The following LRP1B variants were observed in gnomAD, a reference collection of about 807,000 sequenced individuals.
The protein encoded by LRP1B is low-density lipoprotein receptor-related protein 1B.
Under a neutral mutation model 556.6 loss-of-function variants are expected in LRP1B, and 217 were observed. The observed-to-expected ratio is 0.39, with a 90% CI of 0.35 to 0.44. The LOEUF (loss-of-function observed/expected upper bound fraction) is 0.44, where lower values mean the gene tolerates loss of function less well. LRP1B is among the 20% of genes least tolerant of loss of function. The probability of loss-of-function intolerance (pLI) is 1.00; values close to 1 mark genes in which losing one functional copy is unlikely to be tolerated. For synonymous variants in LRP1B, 2,047 were observed against 1,865.8 expected, an observed-to-expected ratio of 1.10 and a Z score of -2.50; for missense variants, 5,053 against 5,620.8, an observed-to-expected ratio of 0.90 and a Z score of 3.23.
intron 2 of LRP1B, among the ~76,000 whole-genome samples, chr2:141,551,545 T>C (rs12467062): frequency 0.28 from 42,698 of 151,902 alleles, 6,835 homozygotes; most frequent in East Asian, 0.62. Flanking sequence ...AAATTAAAAC[T>C]TACTGGTCGA....
chr2:140,679,915 T>C lies in LRP1B; in HGVS notation c.6799+20335A>G, dbSNP rs1685802696. On this transcript the variant is annotated intron_variant, in intron 41 of 90. Coordinates refer to ENST00000389484, the MANE Select transcript of LRP1B (RefSeq NM_018557.3). ...TTATGAGGTTTGTTTATTTATTTAT[T>C]TACTTTTTATTTAATTTACTTATTT... is the stretch of plus-strand genomic sequence containing the variant. Among the ~76,000 whole-genome samples the C allele has an allele frequency of 2.0e-5, 3 of 151,956 alleles. No homozygotes were observed. The South Asian group carries it at 6.2e-4, about 31-fold the overall frequency.
chr2:141,227,043 A>G (rs1683277153), intron 6 of LRP1B, among the ~76,000 whole-genome samples: 1 of 152,140 alleles, frequency 6.6e-6, no homozygotes, highest in African/African-American at 2.4e-5. Context: ...CCTAACAACA[A>G]CAACAACAAC....
At chr2:140,604,788 A>G (rs1433968779) in intron 41 of LRP1B, among the ~76,000 whole-genome samples, 1 of 151,738 alleles carries the variant, frequency 6.6e-6, no homozygotes, top group African/African-American at 2.4e-5. Flanking sequence ...AGTCGGGGGT[A>G]ATTGAATCAC....
At chr2:141,917,432 C>T (rs1700067677) in intron 1 of LRP1B, among the ~76,000 whole-genome samples, 1 of 152,128 alleles carries the variant, frequency 6.6e-6, no homozygotes, top group Non-Finnish European at 1.5e-5. Flanking sequence ...CTGTAATGAG[C>T]ATTTTATATT....
At chr2:142,091,933 C>T (rs34253497) in intron 1 of LRP1B, among the ~76,000 whole-genome samples, 1 of 152,206 alleles carries the variant, frequency 6.6e-6, no homozygotes, top group Admixed American at 6.5e-5. Context: ...CAATTTCCTT[C>T]TGGCATCCCT....
rs181317419 is a variant in LRP1B at position 140,868,033 on chromosome 2, C to A, written c.4334+66G>T. 1.0e-5 allele frequency: 15 copies of A among 1,490,676 alleles called. No individual in the cohort carries two copies. The Admixed American group carries it at 1.6e-4, about 16-fold the overall frequency. The allele number at this position is 1,490,676 out of a possible 1,614,324, so 92.3% of individuals were successfully genotyped here. A position where few individuals can be genotyped will look rare whatever the true frequency, so the allele number is the denominator to read the frequency against. ...TACATGATACTGACATGTTAGGACA[C>A]TTTCCAATGTTGTAAATATTATCTA... On this transcript the variant is annotated intron_variant, in intron 26 of 90. Coordinates refer to ENST00000389484, the MANE Select transcript of LRP1B (RefSeq NM_018557.3).
chr2:141,343,660 A>C (rs1688147712), intron 3 of LRP1B, among the ~76,000 whole-genome samples: 1 of 152,158 alleles, frequency 6.6e-6, no homozygotes, highest in Admixed American at 6.6e-5. Context: ...TGATAAGCTT[A>C]CTTTATGATG....
intron 21 of LRP1B, among the ~76,000 whole-genome samples, chr2:140,920,322 A>G (rs578078915): frequency 6.6e-6 from 1 of 152,152 alleles, no homozygotes; most frequent in East Asian, 1.9e-4. Flanking sequence ...TTCTCATATA[A>G]TAGGAATTTA....
At chr2:141,238,340 G>T (rs1290204823) in intron 5 of LRP1B, among the ~76,000 whole-genome samples, 3 of 152,052 alleles carry the variant, frequency 2.0e-5, no homozygotes, top group African/African-American at 7.2e-5. Flanking sequence ...AATGTAATGG[G>T]TATTGACTCA....
intron 63 of LRP1B, among the ~76,000 whole-genome samples, chr2:140,446,939 A>T (rs1607388): frequency 0.24 from 36,450 of 151,946 alleles, 4,699 homozygotes; most frequent in Non-Finnish European, 0.28. Flanking sequence ...AATGGGTTAA[A>T]ATCCAAAATA....
At chr2:141,837,757 GAAAT>G (rs1697334235) in intron 1 of LRP1B, among the ~76,000 whole-genome samples, 1 of 152,076 alleles carries the variant, frequency 6.6e-6, no homozygotes. Flanking sequence ...TAAATGAATG[GAAAT>G]AAAGGACTAG....
chr2:141,818,765 T>C (rs1326411414), intron 1 of LRP1B, among the ~76,000 whole-genome samples: 1 of 150,992 alleles, frequency 6.6e-6, no homozygotes, highest in African/African-American at 2.4e-5. Flanking sequence ...CTCGATCTCC[T>C]GACCTCGTGA....
At chr2:140,400,500 A>G (rs749430623) in intron 66 of LRP1B, among the ~76,000 whole-genome samples, 1 of 152,136 alleles carries the variant, frequency 6.6e-6, no homozygotes, top group Non-Finnish European at 1.5e-5. Context: ...TCTCCAAAGT[A>G]TACTTCTGTA....
At chr2:141,373,724 T>C (rs1208505902) in intron 3 of LRP1B, among the ~76,000 whole-genome samples, 1 of 152,160 alleles carries the variant, frequency 6.6e-6, no homozygotes, top group East Asian at 1.9e-4. Context: ...TATGTGTCTT[T>C]ATGAGTATCT....
At chr2:140,370,616 C>A in intron 71 of LRP1B, 94 bp downstream of exon 71, 1 of 1,457,198 alleles carries the variant, frequency 6.9e-7, no homozygotes, top group South Asian at 1.4e-5. Flanking sequence ...TTTAAAGATT[C>A]TATCCTCTGC....
Position 140,358,688 on chromosome 2 carries a change from CA to C in LRP1B, c.11257+132del, listed in dbSNP as rs1204994711. 9.7e-6 allele frequency: 9 copies of C among 925,956 alleles called. No homozygotes were observed. In the African/African-American group the frequency reaches 1.3e-4, roughly 14 times the overall value. 57.4% of individuals were successfully genotyped at this position (925,956 alleles called of 1,614,324 possible). A position where few individuals can be genotyped will look rare whatever the true frequency, so the allele number is the denominator to read the frequency against. On this transcript the variant is annotated intron_variant, in intron 73 of 90. Coordinates refer to ENST00000389484, the MANE Select transcript of LRP1B (RefSeq NM_018557.3). ...CTGGTGGAATATTTTTATACCTTGT[CA>C]GAAGATCAAATGTCTGAAAATAATG... is the stretch of plus-strand genomic sequence containing the variant.
intron 2 of LRP1B, among the ~76,000 whole-genome samples, chr2:141,642,393 T>C (rs1399345354): frequency 6.6e-6 from 1 of 152,134 alleles, no homozygotes; most frequent in African/African-American, 2.4e-5. Context: ...TGGAAGAAAC[T>C]ACACAAATTT....
intron 2 of LRP1B, among the ~76,000 whole-genome samples, chr2:141,582,510 T>C (rs114871868): frequency 0.02 from 3,052 of 152,276 alleles, 100 homozygotes; most frequent in African/African-American, 0.07. Flanking sequence ...AGGCACTAGT[T>C]TTACCAGAGA....
intron 7 of LRP1B, among the ~76,000 whole-genome samples, chr2:141,084,138 A>C (rs1282064648): frequency 6.6e-6 from 1 of 152,226 alleles, no homozygotes; most frequent in Non-Finnish European, 1.5e-5. Flanking sequence ...TAAAAATCTT[A>C]GCATTGAAAA....
Sources: gnomAD v4.1 joint callset for allele counts (sites outside exome capture counted in the v4.1 genomes callset) on GRCh38, gnomAD v4.1.1 for gene constraint, MANE v1.5 for transcripts, NCBI Gene and HGNC (gene_info 2026-07-23, HGNC 2026-07-21) for gene names.